The following DENND2B variants were observed in gnomAD, a reference collection of about 807,000 sequenced individuals.
The protein encoded by DENND2B is DENN domain-containing protein 2B.
Under a neutral mutation model 116.0 loss-of-function variants are expected in DENND2B, and 32 were observed. That is an observed-to-expected ratio of 0.28 (90% CI 0.21 to 0.37). DENND2B has a LOEUF of 0.37. Ranked by LOEUF, DENND2B falls within the 10% of genes least tolerant of loss-of-function variation. The pLI is 1.00. For synonymous variants in DENND2B, 588 were observed against 583.9 expected, an observed-to-expected ratio of 1.01 and a Z score of -0.10; for missense variants, 1,276 against 1,477.7, an observed-to-expected ratio of 0.86 and a Z score of 2.24.
chr11:8,806,072 C>T (rs905492541), intron 1 of DENND2B, among the ~76,000 whole-genome samples: 2 of 152,048 alleles, frequency 1.3e-5, no homozygotes, highest in African/African-American at 4.8e-5. Flanking sequence ...GAGGTCAGCC[C>T]TTCTCTCGAT....
At chr11:8,905,845 G>C (rs1476285653) in intron 1 of DENND2B, among the ~76,000 whole-genome samples, 1 of 151,830 alleles carries the variant, frequency 6.6e-6, no homozygotes, top group Non-Finnish European at 1.5e-5. Context: ...TCATAAAAAA[G>C]AATGAAGTAT....
chr11:8,718,202 C>G, intron 4 of DENND2B: 1 of 790,590 alleles, frequency 1.3e-6, no homozygotes, highest in South Asian at 1.5e-5. Flanking sequence ...CTGCCTGTGC[C>G]CAGCCAGAGG....
In DENND2B at chr11:8,829,522, G is replaced by A. The variant is rs987460527; in HGVS notation, c.-115+9788C>T. On this transcript the variant is annotated intron_variant, in intron 4 of 6. Coordinates refer to the DENND2B transcript ENST00000524757. ...TCTGAGAACTAGAAGGACCCAAGGA[G>A]TCCATCTTCCTTCTCTGTGGTTCTC... Among the ~76,000 whole-genome samples the A allele has an allele frequency of 1.9e-4, 29 of 152,302 alleles. No individual in the cohort carries two copies. The Middle Eastern group carries it at 0.014, about 71-fold the overall frequency.
At chr11:8,887,933 G>A (rs899751443) in intron 1 of DENND2B, among the ~76,000 whole-genome samples, 9 of 152,136 alleles carry the variant, frequency 5.9e-5, no homozygotes, top group East Asian at 5.8e-4. Context: ...CTTAGCCTTC[G>A]TTACTACTGG....
chr11:8,734,822 A>G (rs149512093), intron 2 of DENND2B, among the ~76,000 whole-genome samples: 2 of 151,046 alleles, frequency 1.3e-5, no homozygotes, highest in African/African-American at 4.8e-5. Flanking sequence ...GAAAGATCAC[A>G]TATCTCAGAG....
At chr11:8,827,670 G>A (rs1255129673) in intron 4 of DENND2B, among the ~76,000 whole-genome samples, 1 of 152,236 alleles carries the variant, frequency 6.6e-6, no homozygotes, top group African/African-American at 2.4e-5. Flanking sequence ...GAGGCTTAGA[G>A]ACTTATGTGG....
chr11:8,731,713 A>C (rs777139124), intron 2 of DENND2B, among the ~76,000 whole-genome samples: 4 of 151,926 alleles, frequency 2.6e-5, no homozygotes, highest in South Asian at 2.1e-4. Flanking sequence ...GGGACCAAAA[A>C]CCCCAAAACC....
At chr11:8,699,847 C>T in intron 14 of DENND2B, 1 of 456,638 alleles carries the variant, frequency 2.2e-6, no homozygotes, top group Non-Finnish European at 4.4e-6. Context: ...CATGAGCTGG[C>T]TGGACCTACC....
At chr11:8,756,524 C>T (rs748950151) in intron 1 of DENND2B, among the ~76,000 whole-genome samples, 14 of 152,230 alleles carry the variant, frequency 9.2e-5, no homozygotes, top group Admixed American at 7.2e-4. Context: ...TGCTGAGAAC[C>T]TCACAGGGGC....
At chr11:8,881,943 C>A (rs1042635191) in intron 1 of DENND2B, among the ~76,000 whole-genome samples, 1 of 152,102 alleles carries the variant, frequency 6.6e-6, no homozygotes, top group African/African-American at 2.4e-5. Flanking sequence ...TCTCTATGAC[C>A]ACTCTTTTTC....
At chr11:8,853,396 C>G (rs1265277494) in intron 3 of DENND2B, among the ~76,000 whole-genome samples, 1 of 152,070 alleles carries the variant, frequency 6.6e-6, no homozygotes, top group African/African-American at 2.4e-5. Context: ...AAGAAAGACG[C>G]TTGAGGGAGC....
At chr11:8,785,338 C>G (rs940531341) in intron 1 of DENND2B, 2 of 152,106 alleles carry the variant, frequency 1.3e-5, no homozygotes, top group African/African-American at 4.8e-5. Flanking sequence ...ATCACTGCTG[C>G]GAAGAGGAAA....
intron 3 of DENND2B, among the ~76,000 whole-genome samples, chr11:8,842,943 C>G (rs997685261): frequency 3.9e-5 from 6 of 152,024 alleles, no homozygotes; most frequent in African/African-American, 1.4e-4. Flanking sequence ...TAAGCAAATT[C>G]AAAAATCAGG....
At chr11:8,899,170 GA>G (rs1476493454) in intron 1 of DENND2B, among the ~76,000 whole-genome samples, 3 of 151,614 alleles carry the variant, frequency 2.0e-5, no homozygotes, top group Admixed American at 1.3e-4. Flanking sequence ...TTGAAGAAAA[GA>G]AAAGAAAAAG....
intron 1 of DENND2B, among the ~76,000 whole-genome samples, chr11:8,889,623 G>A (rs2064003060): frequency 6.6e-6 from 1 of 152,244 alleles, no homozygotes; most frequent in Non-Finnish European, 1.5e-5. Context: ...AGGGTCCCAT[G>A]TCCATGGAGC....
rs201751730 is a variant in DENND2B, at chr11:8,695,565, A to G, written c.3293-16T>C. ...TCAAAAAGGCCTGGGTAAAAGAAACAGGCACAGGGAAGAGAACAGTCATTG... is the reference window on the plus strand; with the variant it reads ...TCAAAAAGGCCTGGGTAAAAGAAACGGGCACAGGGAAGAGAACAGTCATTG... On this transcript the variant is annotated splice_polypyrimidine_tract_variant and intron_variant, in intron 18 of 19. Coordinates refer to ENST00000313726, the MANE Select transcript of DENND2B (RefSeq NM_213618.2). 3.1e-6 allele frequency: 5 copies of G among 1,612,404 alleles called. No homozygotes were observed. Among genetic ancestry groups the G allele is most frequent in the Non-Finnish European group, 4.2e-6 (5 of 1,178,826 alleles).
At chr11:8,814,625 T>C (rs1181618944), upstream of DENND2B, among the ~76,000 whole-genome samples, 1 of 152,206 alleles carries the variant, frequency 6.6e-6, no homozygotes, top group East Asian at 1.9e-4. Flanking sequence ...CTCCCCACAC[T>C]TATCCTTCAG....
upstream of DENND2B, among the ~76,000 whole-genome samples, chr11:8,875,680 C>T (rs1468151842): frequency 2.6e-5 from 4 of 152,096 alleles, no homozygotes; most frequent in African/African-American, 4.8e-5. Context: ...CCTCCCACTT[C>T]AGCCTCCCAA....
At chr11:8,697,344 CAT>C (rs896640523) in intron 17 of DENND2B, among the ~76,000 whole-genome samples, 179 bp downstream of exon 17, 3 of 152,270 alleles carry the variant, frequency 2.0e-5, no homozygotes, top group Non-Finnish European at 2.9e-5. Flanking sequence ...GGGGTTGCCA[CAT>C]GTCTTTGGGT....
Sources: allele counts gnomAD v4.1 joint callset (sites outside exome capture counted in the v4.1 genomes callset), GRCh38; gene constraint gnomAD v4.1.1; transcripts MANE v1.5; gene names NCBI Gene and HGNC (gene_info 2026-07-23, HGNC 2026-07-21).